The following TRERF1 variants were observed in gnomAD, a reference collection of about 807,000 sequenced individuals.
TRERF1 encodes the protein transcriptional-regulating factor 1.
A neutral mutation model predicts 122.9 loss-of-function variants in TRERF1; 27 were observed. That is an observed-to-expected ratio of 0.22 (90% CI 0.16 to 0.30). TRERF1 has a LOEUF of 0.30. TRERF1 is among the 10% of genes least tolerant of loss of function. The pLI is 1.00. For missense variants in TRERF1, 1,248 were observed against 1,560.3 expected (o/e 0.80, Z 3.37); for synonymous variants, 636 against 641.7 (o/e 0.99, Z 0.13).
At chr6:42,446,112 C>T (rs1256345928) in intron 2 of TRERF1, among the ~76,000 whole-genome samples, 1 of 152,240 alleles carries the variant, frequency 6.6e-6, no homozygotes, top group East Asian at 1.9e-4. Context: ...CAGTGTTTCA[C>T]CATTTTGGCC....
chr6:42,311,992 T>C (rs1242583005), intron 3 of TRERF1, among the ~76,000 whole-genome samples: 2 of 152,168 alleles, frequency 1.3e-5, no homozygotes, highest in East Asian at 3.9e-4. Context: ...TACTCTTTTA[T>C]TTCAGACATA....
intron 2 of TRERF1, among the ~76,000 whole-genome samples, chr6:42,445,114 T>A (rs1029896155): frequency 6.6e-6 from 1 of 151,614 alleles, no homozygotes; most frequent in Non-Finnish European, 1.5e-5. Context: ...ACTAAAAATA[T>A]AAAAACCAGC....
At chr6:42,344,875 C>T (rs753359955) in intron 3 of TRERF1, among the ~76,000 whole-genome samples, 1 of 152,150 alleles carries the variant, frequency 6.6e-6, no homozygotes, top group Non-Finnish European at 1.5e-5. Flanking sequence ...TTATTTGTTA[C>T]TGCATGTCTA....
chr6:42,259,758 C>A lies in TRERF1; in HGVS notation c.1885-35G>T. On this transcript the variant is annotated intron_variant, in intron 8 of 17. Transcript: ENST00000372922. This position sits in a 1 kb window ranked among gnomAD's most constrained non-coding sequence, Gnocchi z 4.9. ...GAACAACGATCTGATTCGAATACTT[C>A]AGCTTCCCCCGCAGGCCATTTCCAC... 6.3e-7 allele frequency: 1 copy of A among 1,598,798 alleles called. No homozygotes were observed. The highest frequency in any genetic ancestry group is 8.5e-7 in the Non-Finnish European group (1 of 1,179,506).
intron 14 of TRERF1, among the ~76,000 whole-genome samples, chr6:42,244,644 C>T (rs140616070): frequency 3.8e-4 from 58 of 152,310 alleles, no homozygotes; most frequent in Middle Eastern, 3.4e-3. Flanking sequence ...TACAGACTTA[C>T]TCATTTTTTT....
chr6:42,395,807 A>G lies in TRERF1; in HGVS notation c.-453-32728T>C, dbSNP rs960475481. On this transcript the variant is annotated intron_variant, in intron 2 of 17. Coordinates refer to ENST00000372922, the Ensembl canonical transcript of TRERF1. ...AGCAAAGGAATGAGACACTCTAGAAAAGGGGAATACAATTACCATTCACAA... is the reference window on the plus strand; with the variant it reads ...AGCAAAGGAATGAGACACTCTAGAAGAGGGGAATACAATTACCATTCACAA... 7.2e-5 allele frequency among the ~76,000 whole-genome samples: 11 copies of G among 151,896 alleles called. No homozygotes were observed. In the South Asian group the frequency reaches 1.0e-3, roughly 14 times the overall value.
intron 2 of TRERF1, among the ~76,000 whole-genome samples, chr6:42,392,642 A>G (rs1290149845): frequency 6.6e-6 from 1 of 152,118 alleles, no homozygotes; most frequent in Non-Finnish European, 1.5e-5. Context: ...CTTAGCAGAA[A>G]ATCTTTTCAT....
At chr6:42,376,531 T>C (rs1774899387) in intron 2 of TRERF1, among the ~76,000 whole-genome samples, 2 of 148,438 alleles carry the variant, frequency 1.3e-5, no homozygotes, top group Non-Finnish European at 3.0e-5. Flanking sequence ...ACTTTTCGTC[T>C]AATTCTTTTT....
At chr6:42,427,850 C>T (rs1783872911) in intron 2 of TRERF1, among the ~76,000 whole-genome samples, 2 of 152,194 alleles carry the variant, frequency 1.3e-5, no homozygotes, top group Admixed American at 1.3e-4. Context: ...ACACCCAGCA[C>T]ATTCTTTTTA....
intron 2 of TRERF1, among the ~76,000 whole-genome samples, chr6:42,384,099 T>A (rs1776398348): frequency 6.6e-6 from 1 of 151,894 alleles, no homozygotes; most frequent in South Asian, 2.1e-4. Context: ...TAGAGATGCT[T>A]TTACCAGTAA....
chr6:42,265,674 T>C (rs984216040), intron 6 of TRERF1, 77 bp downstream of exon 6: 6 of 1,451,426 alleles, frequency 4.1e-6, no homozygotes, highest in African/African-American at 2.8e-5. Context: ...ACTTGGAATT[T>C]AAAAATGAAT....
intron 16 of TRERF1, among the ~76,000 whole-genome samples, chr6:42,235,093 T>C (rs947570087): frequency 6.6e-6 from 1 of 152,238 alleles, no homozygotes; most frequent in African/African-American, 2.4e-5. Context: ...TGTTTTTTTT[T>C]TAATTTTCAT....
intron 4 of TRERF1, among the ~76,000 whole-genome samples, chr6:42,273,633 T>C (rs1338193324): frequency 2.0e-5 from 3 of 152,188 alleles, no homozygotes; most frequent in African/African-American, 4.8e-5. Context: ...TGGGACATCA[T>C]GTCCTTGTCC....
At chr6:42,273,866 TG>T (rs1311745005) in intron 4 of TRERF1, among the ~76,000 whole-genome samples, 2 of 152,332 alleles carry the variant, frequency 1.3e-5, no homozygotes, top group East Asian at 3.9e-4. Context: ...TGAGCACTAT[TG>T]ATTTCATGTC....
At chr6:42,436,814 A>AAAAAATATATATAT (rs61427173) in intron 2 of TRERF1, among the ~76,000 whole-genome samples, 1 of 66,684 alleles carries the variant, frequency 1.5e-5, no homozygotes, top group East Asian at 5.5e-4. Context: ...AAAAAAAAAA[A>AAAAAATATATATAT]ATATATATAT....
At position 42,256,846 on chromosome 6, in the gene TRERF1, G is replaced by A. The variant is rs768719610; in HGVS notation, c.2477-15C>T. On this transcript the variant is annotated splice_polypyrimidine_tract_variant and intron_variant, in intron 11 of 17. Transcript: ENST00000372922. ...AAGATTCTCCACTGTTGGGAATAAG[G>A]AGAAGCCAATGCATCAGAGAGAGCT... The A allele has an allele frequency of 6.2e-7, 1 of 1,613,972 alleles. No homozygotes were observed. Among genetic ancestry groups the A allele is most frequent in the Non-Finnish European group, 8.5e-7 (1 of 1,179,798 alleles).
chr6:42,253,253 G>A (rs1191935962), intron 13 of TRERF1, among the ~76,000 whole-genome samples: 1 of 152,128 alleles, frequency 6.6e-6, no homozygotes, highest in East Asian at 1.9e-4. Flanking sequence ...CCCAGATGAC[G>A]CTGCTCACAG....
Position 42,276,145 on chromosome 6 carries a change from C to G in TRERF1, c.-258-6297G>C, listed in dbSNP as rs1781100458. On this transcript the variant is annotated intron_variant, in intron 4 of 17. Coordinates refer to ENST00000372922, the Ensembl canonical transcript of TRERF1. The surrounding 1 kb of genome is among the most constrained non-coding windows in gnomAD (Gnocchi z 4.3). Reference sequence around the variant, plus strand: ...TCAAAGTCTCTCCACACCCCACCCCCTGGCCTGGGGCACCAGGAGACAAGG... The same window carrying G: ...TCAAAGTCTCTCCACACCCCACCCCGTGGCCTGGGGCACCAGGAGACAAGG... Among the ~76,000 whole-genome samples, 3 of 152,326 alleles carry G rather than the reference C, an allele frequency of 2.0e-5. No individual in the cohort carries two copies. In the South Asian group the frequency reaches 6.2e-4, roughly 32 times the overall value.
Position 42,228,199 on chromosome 6 carries a change from G to A in TRERF1, c.*146C>T. ...TTTTAAATAAAAGGAAAAGAAATAGGATTTTTTTTTCTAAACCTGAATAAA... is the reference window on the plus strand; with the variant it reads ...TTTTAAATAAAAGGAAAAGAAATAGAATTTTTTTTTCTAAACCTGAATAAA... On this transcript the variant is annotated 3_prime_UTR_variant, in exon 18 of 18. Transcript: ENST00000372922. The surrounding 1 kb of genome is among the most constrained non-coding windows in gnomAD (Gnocchi z 4.2). 1 of 703,662 alleles carries A rather than the reference G, an allele frequency of 1.4e-6. No homozygotes were observed. The highest frequency in any genetic ancestry group is 3.4e-5 in the South Asian group (1 of 29,302). 43.6% of individuals were successfully genotyped at this position (703,662 alleles called of 1,614,324 possible).
Sources: gnomAD v4.1 joint callset for allele counts (sites outside exome capture counted in the v4.1 genomes callset) on GRCh38, gnomAD v4.1.1 for gene constraint, Gnocchi (gnomAD v3.1) non-coding constraint, MANE v1.5 for transcripts, NCBI Gene and HGNC (gene_info 2026-07-23, HGNC 2026-07-21) for gene names.